TAF4B: variants seen among roughly 807,000 people sequenced by gnomAD.
The protein encoded by TAF4B is transcription initiation factor TFIID subunit 4B.
Under a neutral mutation model 86.4 loss-of-function variants are expected in TAF4B, and 38 were observed. The ratio of observed to expected loss-of-function variants is 0.44; its 90% confidence interval spans 0.34 to 0.58. TAF4B has a LOEUF of 0.58. Ranked by LOEUF, TAF4B falls within the 20% of genes least tolerant of loss-of-function variation. The pLI, the probability that TAF4B is intolerant of heterozygous loss-of-function variation, is 0.02. For synonymous variants in TAF4B, 388 were observed against 391.2 expected (o/e 0.99, Z 0.10); for missense variants, 988 against 1,027.6 (o/e 0.96, Z 0.53).
intron 1 of TAF4B, among the ~76,000 whole-genome samples, chr18:26,232,516 A>AAGGCCT (rs2055688032): frequency 6.6e-6 from 1 of 152,208 alleles, no homozygotes; most frequent in Non-Finnish European, 1.5e-5. Flanking sequence ...CCTGAAGGCG[A>AAGGCCT]GTAATAGCAA....
intron 12 of TAF4B, among the ~76,000 whole-genome samples, chr18:26,329,769 G>T (rs892648084): frequency 6.6e-6 from 1 of 152,096 alleles, no homozygotes; most frequent in Non-Finnish European, 1.5e-5. Context: ...GTACCTACTA[G>T]TTCTCTCCAT....
At chr18:26,300,780 C>A (rs2056723043) in intron 9 of TAF4B, among the ~76,000 whole-genome samples, 1 of 151,914 alleles carries the variant, frequency 6.6e-6, no homozygotes, top group South Asian at 2.1e-4. Context: ...CTTCTATACC[C>A]TGGGCTTTTT....
intron 6 of TAF4B, among the ~76,000 whole-genome samples, chr18:26,282,416 T>C (rs562326943): frequency 2.4e-4 from 36 of 152,356 alleles, no homozygotes; most frequent in Non-Finnish European, 5.3e-4. Flanking sequence ...GGTTTCCAAA[T>C]GCATATAAAA....
At chr18:26,242,335 T>G (rs1222869668) in intron 1 of TAF4B, among the ~76,000 whole-genome samples, 1 of 152,248 alleles carries the variant, frequency 6.6e-6, no homozygotes, top group South Asian at 2.1e-4. Flanking sequence ...TTTACCATTA[T>G]GTAATGGCCT....
At chr18:26,288,627 C>G (rs145912978) in intron 7 of TAF4B, among the ~76,000 whole-genome samples, 1 of 151,918 alleles carries the variant, frequency 6.6e-6, no homozygotes, top group South Asian at 2.1e-4. Flanking sequence ...GAGCGAAACT[C>G]GTCATCTCAA....
At chr18:26,359,017 A>AAAC (rs1430985138) in intron 14 of TAF4B, among the ~76,000 whole-genome samples, 1 of 152,268 alleles carries the variant, frequency 6.6e-6, no homozygotes, top group African/African-American at 2.4e-5. Flanking sequence ...GCCCAACCAG[A>AAAC]TGTAACCACT....
At chr18:26,244,551 T>G (rs551170498) in intron 1 of TAF4B, among the ~76,000 whole-genome samples, 7 of 152,320 alleles carry the variant, frequency 4.6e-5, no homozygotes, top group African/African-American at 1.4e-4. Flanking sequence ...CCCGCAGCTT[T>G]GGCTCACACT....
chr18:26,250,933 ACTT>A (rs985104657), intron 1 of TAF4B, among the ~76,000 whole-genome samples: 3 of 152,180 alleles, frequency 2.0e-5, no homozygotes, highest in African/African-American at 7.2e-5. Flanking sequence ...TGGGATATAA[ACTT>A]CTTGATTGCT....
At chr18:26,388,795 CTTTATTTTTATT>C (rs201686662) in intron 14 of TAF4B, among the ~76,000 whole-genome samples, 2 of 152,016 alleles carry the variant, frequency 1.3e-5, no homozygotes, top group African/African-American at 4.8e-5. Flanking sequence ...AGAGTGCTTA[CTTTATTTTTATT>C]TTTATTTTTA....
chr18:26,297,850 T>C (rs1196452003), intron 9 of TAF4B, among the ~76,000 whole-genome samples: 2 of 152,170 alleles, frequency 1.3e-5, no homozygotes, highest in African/African-American at 4.8e-5. Context: ...TATAAATACA[T>C]AGAACAGAAT....
At chr18:26,321,876 A>G (rs2056966112) in intron 11 of TAF4B, among the ~76,000 whole-genome samples, 1 of 152,076 alleles carries the variant, frequency 6.6e-6, no homozygotes, top group South Asian at 2.1e-4. Flanking sequence ...TTGAGTGCTC[A>G]TATTGATGCT....
rs138724767 is a variant in TAF4B at position 26,244,344 on chromosome 18, C to T, written c.343+17068C>T. 1.1e-4 allele frequency among the ~76,000 whole-genome samples: 17 copies of T among 152,344 alleles called. No individual in the cohort carries two copies. In the East Asian group the frequency reaches 2.5e-3, roughly 22 times the overall value. On this transcript the variant is annotated intron_variant, in intron 1 of 14. Transcript: ENST00000269142. ...CTCAGACTGCTGTGCTAGCAGTGAG[C>T]GAGGTTCTGTGGGCGTGGGACCCTC... is the stretch of plus-strand genomic sequence containing the variant.
chr18:26,273,679 G>A (rs1451823051), intron 3 of TAF4B, among the ~76,000 whole-genome samples: 2 of 152,184 alleles, frequency 1.3e-5, no homozygotes, highest in Non-Finnish European at 2.9e-5. Flanking sequence ...GTAAGTGTGA[G>A]CCACTGCACT....
intron 9 of TAF4B, among the ~76,000 whole-genome samples, chr18:26,304,580 A>C (rs1187970027): frequency 6.6e-6 from 1 of 152,112 alleles, no homozygotes; most frequent in Non-Finnish European, 1.5e-5. Flanking sequence ...TTTCTAGTAG[A>C]CCCAGGGATT....
intron 1 of TAF4B, among the ~76,000 whole-genome samples, chr18:26,236,429 G>C (rs953165933): frequency 2.0e-5 from 3 of 152,166 alleles, no homozygotes; most frequent in African/African-American, 7.2e-5. Context: ...GGCTCAGTGA[G>C]GATGATGACA....
chr18:26,302,956 GTTTAA>G (rs1486041702), intron 9 of TAF4B, among the ~76,000 whole-genome samples: 1 of 151,902 alleles, frequency 6.6e-6, no homozygotes, highest in Non-Finnish European at 1.5e-5. Flanking sequence ...ATAGCATACA[GTTTAA>G]TTTACTATAA....
chr18:26,255,321 A>T (rs1448995375), intron 1 of TAF4B, among the ~76,000 whole-genome samples: 1 of 152,152 alleles, frequency 6.6e-6, no homozygotes, highest in African/African-American at 2.4e-5. Flanking sequence ...GACTGGGGGA[A>T]ATCAACCCAT....
intron 1 of TAF4B, among the ~76,000 whole-genome samples, chr18:26,236,134 T>C (rs2055744480): frequency 6.6e-6 from 1 of 152,214 alleles, no homozygotes; most frequent in Non-Finnish European, 1.5e-5. Context: ...AATGGGTAAC[T>C]TGTTATTCAT....
chr18:26,343,867 T>C (rs1307925325), intron 13 of TAF4B, among the ~76,000 whole-genome samples: 1 of 152,150 alleles, frequency 6.6e-6, no homozygotes, highest in Non-Finnish European at 1.5e-5. Context: ...TTCAAAATAT[T>C]CAGGATACAA....
Sources: gnomAD v4.1 joint callset for allele counts (sites outside exome capture counted in the v4.1 genomes callset) on GRCh38, gnomAD v4.1.1 for gene constraint, MANE v1.5 for transcripts, NCBI Gene and HGNC (gene_info 2026-07-23, HGNC 2026-07-21) for gene names.